The following TRAPPC9 variants were observed in gnomAD, a reference collection of about 807,000 sequenced individuals.
The protein encoded by TRAPPC9 is IKK2 binding protein.
A neutral mutation model predicts 124.0 loss-of-function variants in TRAPPC9; 83 were observed. That is an observed-to-expected ratio of 0.67 (90% CI 0.56 to 0.80). The LOEUF is 0.80. TRAPPC9 is among the 30% of genes least tolerant of loss of function. The pLI, the probability that TRAPPC9 is intolerant of heterozygous loss-of-function variation, is 0.00. For synonymous variants in TRAPPC9, 638 were observed against 617.5 expected (o/e 1.03, Z -0.49); for missense variants, 1,302 against 1,508.3 (o/e 0.86, Z 2.27).
At chr8:140,131,203 G>A (rs967833144) in intron 17 of TRAPPC9, among the ~76,000 whole-genome samples, 14 of 151,746 alleles carry the variant, frequency 9.2e-5, no homozygotes, top group African/African-American at 3.1e-4. Flanking sequence ...CAGTATGCAC[G>A]TCAGGTTTTG....
rs143288297 is a variant in TRAPPC9, at chr8:140,076,278, T to C, written c.2557-52199A>G. Among the ~76,000 whole-genome samples, 1,176 of 152,170 alleles carry C rather than the reference T, an allele frequency of 7.7e-3. 6 individuals are homozygous for C. Among genetic ancestry groups the C allele is most frequent in the Non-Finnish European group, 0.011 (751 of 68,004 alleles). ...TGCCAAAATGGCACCCCGGAGAGCC[T>C]CGAAAAGAGCTGCCCTCCCCTGGCT... is the stretch of plus-strand genomic sequence containing the variant. On this transcript the variant is annotated intron_variant, in intron 17 of 22. Transcript: ENST00000438773.
chr8:140,393,834 C>G (rs2069006501), intron 7 of TRAPPC9, among the ~76,000 whole-genome samples: 1 of 152,196 alleles, frequency 6.6e-6, no homozygotes, highest in South Asian at 2.1e-4. Flanking sequence ...CTTATAAAAT[C>G]CCACCAGAAC....
chr8:139,770,025 C>G (rs910981502), intron 21 of TRAPPC9, among the ~76,000 whole-genome samples: 2 of 152,228 alleles, frequency 1.3e-5, no homozygotes, highest in African/African-American at 4.8e-5. Context: ...CAGTGGTGGG[C>G]CAGGCCCTGT....
At chr8:140,356,686 T>G (rs578003295) in intron 9 of TRAPPC9, among the ~76,000 whole-genome samples, 2 of 151,676 alleles carry the variant, frequency 1.3e-5, no homozygotes, top group South Asian at 2.1e-4. Context: ...CTCGGCTCAC[T>G]GCAACCTCCA....
intron 8 of TRAPPC9, among the ~76,000 whole-genome samples, chr8:140,361,019 G>A (rs1163216070): frequency 6.6e-6 from 1 of 152,196 alleles, no homozygotes; most frequent in Admixed American, 6.5e-5. Context: ...TTACAGGTAT[G>A]AGCCACTGCT....
intron 17 of TRAPPC9, among the ~76,000 whole-genome samples, chr8:140,144,352 A>G (rs902256817): frequency 3.9e-5 from 6 of 152,188 alleles, no homozygotes; most frequent in African/African-American, 1.4e-4. Flanking sequence ...CTACATTTAC[A>G]TTTTGTATGT....
Position 139,907,392 on chromosome 8 carries a change from T to G in TRAPPC9, c.2964+2755A>C, listed in dbSNP as rs1486606593. Among the ~76,000 whole-genome samples the G allele has an allele frequency of 1.3e-5, 2 of 152,210 alleles. No individual in the cohort carries two copies. The highest frequency in any genetic ancestry group is 2.9e-5 in the Non-Finnish European group (2 of 68,046). On this transcript the variant is annotated intron_variant, in intron 20 of 22. Transcript: ENST00000438773. The surrounding 1 kb of genome is among the most constrained non-coding windows in gnomAD (Gnocchi z 4.7). ...GTTTAGAAAATATTATTAAAATGCA[T>G]AATGAAATTATTAGCCAATTCAATC...
intron 19 of TRAPPC9, among the ~76,000 whole-genome samples, chr8:139,972,432 T>C (rs1204485883): frequency 1.3e-5 from 2 of 152,198 alleles, no homozygotes; most frequent in African/African-American, 2.4e-5. Flanking sequence ...TAGGAGGCTC[T>C]ACCCAGGAGT....
chr8:140,197,618 C>G (rs1278105348), intron 17 of TRAPPC9, among the ~76,000 whole-genome samples: 1 of 152,166 alleles, frequency 6.6e-6, no homozygotes, highest in South Asian at 2.1e-4. Context: ...TTTTAATTTC[C>G]TCTTTCCTTA....
intron 7 of TRAPPC9, among the ~76,000 whole-genome samples, chr8:140,382,898 G>C (rs1178698937): frequency 2.0e-5 from 3 of 152,224 alleles, no homozygotes; most frequent in East Asian, 3.8e-4. Flanking sequence ...GCCTAACTTG[G>C]GGGGAGGCAC....
At chr8:140,152,906 C>A (rs2061569528) in intron 17 of TRAPPC9, among the ~76,000 whole-genome samples, 2 of 152,124 alleles carry the variant, frequency 1.3e-5, no homozygotes, top group Non-Finnish European at 2.9e-5. Flanking sequence ...TACCTTTTTG[C>A]ACAATGTTGA....
rs555041152 is a variant in TRAPPC9 at position 139,733,876 on chromosome 8, G to A, written c.3056-1674C>T. 3.9e-5 allele frequency among the ~76,000 whole-genome samples: 6 copies of A among 152,342 alleles called. No individual in the cohort carries two copies. The East Asian group carries it at 1.2e-3, about 29-fold the overall frequency. Reference sequence around the variant, plus strand: ...GGTGTCCTCACTGCAGCCTGGAGAGGAAGGTCCTCTAAGGACTGGCCTGCC... The same window carrying A: ...GGTGTCCTCACTGCAGCCTGGAGAGAAAGGTCCTCTAAGGACTGGCCTGCC... On this transcript the variant is annotated intron_variant, in intron 21 of 22. Coordinates refer to ENST00000438773, the MANE Select transcript of TRAPPC9 (RefSeq NM_001160372.4).
At chr8:140,416,159 A>G (rs75068390) in intron 5 of TRAPPC9, among the ~76,000 whole-genome samples, 112 of 152,330 alleles carry the variant, frequency 7.4e-4, no homozygotes, top group African/African-American at 2.5e-3. Context: ...GAACTAGCTA[A>G]GAAGAGAGAA....
At chr8:140,266,985 C>T (rs528801778) in intron 15 of TRAPPC9, among the ~76,000 whole-genome samples, 1 of 152,218 alleles carries the variant, frequency 6.6e-6, no homozygotes, top group East Asian at 1.9e-4. Flanking sequence ...TCTGTCTGAC[C>T]CTTAATATCA....
chr8:140,288,484 C>A (rs1021123336), intron 12 of TRAPPC9, among the ~76,000 whole-genome samples: 2 of 152,198 alleles, frequency 1.3e-5, no homozygotes, highest in African/African-American at 4.8e-5. Flanking sequence ...ATTCCCTGGC[C>A]TCAAGACGGT....
In TRAPPC9 at chr8:139,879,304, G is replaced by A. The variant is rs944301167; in HGVS notation, c.3055+6575C>T. 8.5e-5 allele frequency among the ~76,000 whole-genome samples: 13 copies of A among 152,322 alleles called. No homozygotes were observed. In the South Asian group the frequency reaches 1.2e-3, roughly 15 times the overall value. On this transcript the variant is annotated intron_variant, in intron 21 of 22. Coordinates refer to ENST00000438773, the MANE Select transcript of TRAPPC9 (RefSeq NM_001160372.4). Reference sequence around the variant, plus strand: ...GTCCGAGACCTGGATTCCACTGCGCGGGATGGGAGGGGAGCTTCCTGGGCT... The same window carrying A: ...GTCCGAGACCTGGATTCCACTGCGCAGGATGGGAGGGGAGCTTCCTGGGCT...
intron 16 of TRAPPC9, among the ~76,000 whole-genome samples, chr8:140,248,915 C>T (rs147391002): frequency 6.6e-6 from 1 of 152,290 alleles, no homozygotes; most frequent in East Asian, 1.9e-4. Flanking sequence ...TACATCCAAA[C>T]AGTGCTCTAC....
intron 21 of TRAPPC9, among the ~76,000 whole-genome samples, chr8:139,828,820 T>C (rs1457424723): frequency 6.6e-6 from 1 of 152,138 alleles, no homozygotes; most frequent in African/African-American, 2.4e-5. Context: ...CGTCTGAATC[T>C]CAGCATGAAA....
At chr8:140,142,440 C>T (rs1252241876) in intron 17 of TRAPPC9, among the ~76,000 whole-genome samples, 1 of 152,258 alleles carries the variant, frequency 6.6e-6, no homozygotes, top group Non-Finnish European at 1.5e-5. Context: ...GCAGCAGCCC[C>T]GGTGTCCACA....
Sources: gnomAD v4.1 joint callset for allele counts (sites outside exome capture counted in the v4.1 genomes callset) on GRCh38, gnomAD v4.1.1 for gene constraint, Gnocchi (gnomAD v3.1) non-coding constraint, MANE v1.5 for transcripts, NCBI Gene and HGNC (gene_info 2026-07-23, HGNC 2026-07-21) for gene names.